Variants in CNTN5 observed in about 807,000 individuals in gnomAD.
The protein encoded by CNTN5 is contactin 5, also known as contactin-5.
CNTN5 carries 77 observed loss-of-function variants against 129.1 expected under a neutral mutation model. That is an observed-to-expected ratio of 0.60 (90% confidence interval 0.50 to 0.72). CNTN5 has a LOEUF of 0.72. CNTN5 is among the 30% of genes least tolerant of loss of function. The pLI is 0.00. For missense variants in CNTN5, 1,478 were observed against 1,328.8 expected (o/e 1.11, Z -1.75); for synonymous variants, 509 against 465.6 (o/e 1.09, Z -1.20).
At chr11:99,964,339 C>T (rs1266688167) in intron 8 of CNTN5, among the ~76,000 whole-genome samples, 4 of 152,116 alleles carry the variant, frequency 2.6e-5, no homozygotes, top group Non-Finnish European at 5.9e-5. Context: ...CCCATCAATA[C>T]CTAATTTATT....
At chr11:99,064,834 G>A (rs1262908792) in intron 1 of CNTN5, among the ~76,000 whole-genome samples, 2 of 151,884 alleles carry the variant, frequency 1.3e-5, no homozygotes, top group African/African-American at 4.8e-5. Flanking sequence ...TTTGGAAGGG[G>A]ATAGTATTAT....
intron 7 of CNTN5, among the ~76,000 whole-genome samples, chr11:99,918,568 C>G (rs745731015): frequency 5.3e-5 from 8 of 152,068 alleles, no homozygotes; most frequent in Non-Finnish European, 8.8e-5. Flanking sequence ...AGAAAATAAC[C>G]TCCACAAGCT....
At chr11:99,255,604 C>T (rs1277390878) in intron 1 of CNTN5, among the ~76,000 whole-genome samples, 3 of 151,350 alleles carry the variant, frequency 2.0e-5, no homozygotes, top group Admixed American at 6.6e-5. Context: ...AGGAGATTAA[C>T]GGACCACAAA....
intron 3 of CNTN5, among the ~76,000 whole-genome samples, chr11:99,615,742 G>C (rs1950739857): frequency 6.6e-6 from 1 of 151,142 alleles, no homozygotes; most frequent in African/African-American, 2.4e-5. Flanking sequence ...ACTTTATTTG[G>C]ATTTTACACA....
chr11:100,109,065 G>C (rs191690995), intron 13 of CNTN5, among the ~76,000 whole-genome samples: 1 of 152,072 alleles, frequency 6.6e-6, no homozygotes, highest in African/African-American at 2.4e-5. Context: ...GTGTTTGCCT[G>C]TCATCACTAA....
At chr11:99,089,628 A>G (rs1297755015) in intron 1 of CNTN5, among the ~76,000 whole-genome samples, 2 of 152,232 alleles carry the variant, frequency 1.3e-5, no homozygotes, top group Admixed American at 6.5e-5. Flanking sequence ...CAAGCATTAA[A>G]TAAGCTACCA....
chr11:100,344,479 G>C (rs1952235801), intron 23 of CNTN5, among the ~76,000 whole-genome samples: 1 of 152,088 alleles, frequency 6.6e-6, no homozygotes, highest in African/African-American at 2.4e-5. Context: ...GTGGTTATCA[G>C]AGGCCAGGAA....
intron 6 of CNTN5, among the ~76,000 whole-genome samples, chr11:99,901,122 A>G (rs1251293006): frequency 6.6e-6 from 1 of 152,190 alleles, no homozygotes; most frequent in Non-Finnish European, 1.5e-5. Context: ...ACACACATAT[A>G]TAAATATTCA....
At chr11:99,443,655 G>C (rs1943934156) in intron 2 of CNTN5, among the ~76,000 whole-genome samples, 1 of 152,160 alleles carries the variant, frequency 6.6e-6, no homozygotes. Context: ...GCAGCATATA[G>C]AGCTATGCTT....
At chr11:99,639,070 C>T (rs1281515858) in intron 3 of CNTN5, among the ~76,000 whole-genome samples, 1 of 152,234 alleles carries the variant, frequency 6.6e-6, no homozygotes, top group African/African-American at 2.4e-5. Context: ...CATATATCTT[C>T]TGAAATCTAG....
At chr11:100,201,978 G>T (rs1948790023) in intron 15 of CNTN5, among the ~76,000 whole-genome samples, 1 of 151,942 alleles carries the variant, frequency 6.6e-6, no homozygotes, top group South Asian at 2.1e-4. Context: ...CTCAGCTCCA[G>T]AATTACATCT....
At chr11:99,999,549 A>C (rs1280808644) in intron 8 of CNTN5, among the ~76,000 whole-genome samples, 1 of 152,094 alleles carries the variant, frequency 6.6e-6, no homozygotes. Flanking sequence ...ACACTTTTAC[A>C]CTCTTAGTGG....
intron 3 of CNTN5, among the ~76,000 whole-genome samples, chr11:99,747,898 ATTGT>A (rs1055770135): frequency 6.6e-6 from 1 of 152,106 alleles, no homozygotes; most frequent in Non-Finnish European, 1.5e-5. Flanking sequence ...TCTATATCTA[ATTGT>A]TTGAGAGTTG....
rs189339400 is a variant in CNTN5, at chr11:99,714,887, A to G, written c.56-104657A>G. On this transcript the variant is annotated intron_variant, in intron 3 of 24. Transcript: ENST00000524871. ...AAAACCTTGAAGCTGTCTAACTTCT[A>G]GAGACTATTTTTGGTAATGTAAAGC... Among the ~76,000 whole-genome samples, 668 of 149,698 alleles carry G rather than the reference A, an allele frequency of 4.5e-3. 8 individuals carry two copies. Among genetic ancestry groups the G allele is most frequent in the Non-Finnish European group, 3.9e-3 (263 of 67,618 alleles).
chr11:99,341,189 T>C (rs1866497018), intron 2 of CNTN5, among the ~76,000 whole-genome samples: 1 of 152,152 alleles, frequency 6.6e-6, no homozygotes, highest in Admixed American at 6.5e-5. Context: ...TTCTAATGAA[T>C]AATCATAGCA....
chr11:99,526,073 A>C (rs1200909336), intron 2 of CNTN5, among the ~76,000 whole-genome samples: 1 of 152,222 alleles, frequency 6.6e-6, no homozygotes, highest in Non-Finnish European at 1.5e-5. Context: ...TTGTGAGTAA[A>C]ACAGATACTT....
chr11:99,124,170 G>A (rs565101288), intron 1 of CNTN5, among the ~76,000 whole-genome samples: 131 of 152,144 alleles, frequency 8.6e-4, no homozygotes, highest in African/African-American at 3.1e-3. Context: ...AGCATGGAAT[G>A]TTTTTCCACT....
rs117426233 is a variant in CNTN5, at chr11:99,237,301, T to C, written c.-209-88045T>C. Among the ~76,000 whole-genome samples the C allele has an allele frequency of 2.4e-4, 37 of 152,320 alleles. 1 individual carries two copies. In the East Asian group the frequency reaches 6.9e-3, roughly 29 times the overall value. On this transcript the variant is annotated intron_variant, in intron 1 of 24. Coordinates refer to ENST00000524871, the MANE Select transcript of CNTN5 (RefSeq NM_014361.4). The stretch of plus-strand genomic sequence containing the variant: ...GTGTAAGATTGATGTTATTGCAAGA[T>C]AGGAATCCTTTATCTTGCAGAAAAT...
intron 1 of CNTN5, among the ~76,000 whole-genome samples, chr11:99,197,478 A>T (rs762712755): frequency 1.3e-5 from 2 of 152,106 alleles, no homozygotes; most frequent in Non-Finnish European, 2.9e-5. Flanking sequence ...TTCAACTTAC[A>T]TATATTTTTA....
Sources: allele counts gnomAD v4.1 joint callset (sites outside exome capture counted in the v4.1 genomes callset), GRCh38; gene constraint gnomAD v4.1.1; transcripts MANE v1.5; gene names NCBI Gene and HGNC (gene_info 2026-07-23, HGNC 2026-07-21).